The following PTDSS1 variants were observed in gnomAD, a reference collection of about 807,000 sequenced individuals.
PTDSS1 encodes PSS-1.
Under a neutral mutation model 70.5 loss-of-function variants are expected in PTDSS1, and 45 were observed. The observed-to-expected ratio is 0.64, with a 90% CI of 0.50 to 0.82. The LOEUF (loss-of-function observed/expected upper bound fraction) is 0.82, where lower values mean the gene tolerates loss of function less well. Ranked by LOEUF, PTDSS1 falls within the 40% of genes least tolerant of loss-of-function variation. The pLI, the probability that PTDSS1 is intolerant of heterozygous loss-of-function variation, is 0.00. For missense variants in PTDSS1, 417 were observed against 586.1 expected (o/e 0.71, Z 2.98); for synonymous variants, 188 against 203.8 (o/e 0.92, Z 0.66).
chr8:96,333,311 C>T (rs1811544570), intron 12 of PTDSS1, 146 bp from the exon 13 acceptor site: 4 of 720,768 alleles, frequency 5.5e-6, no homozygotes, highest in Non-Finnish European at 9.6e-6. Context: ...TTGAGAGCCT[C>T]GCCTTCATTT....
chr8:96,330,433 C>T (rs1156420413), intron 11 of PTDSS1, 152 bp downstream of exon 11: 1 of 700,586 alleles, frequency 1.4e-6, no homozygotes, highest in South Asian at 1.7e-5. Flanking sequence ...CATGTCACAA[C>T]TCATTCCCTA....
At position 96,331,053 on chromosome 8, in the gene PTDSS1, T is replaced by C. The variant is rs556701669; in HGVS notation, c.1270T>C (p.Tyr424His). The change falls in exon 12 of 13, where the codon TAC becomes CAC. Residue 424 changes from tyrosine (Y) to histidine (H), a missense_variant. This residue lies in a region of PTDSS1 where 107 missense variants were observed against 122.3 expected (regional missense o/e 0.88). Transcript: ENST00000517309. ...KTYSECEDGT[Y>H]SPEISWHHRK... Reference sequence around the variant, plus strand: ...CTACTCGGAGTGTGAAGATGGCACCTACAGTCCAGAGATCTCCTGGCATCA... The same window carrying C: ...CTACTCGGAGTGTGAAGATGGCACCCACAGTCCAGAGATCTCCTGGCATCA... 85 of 1,613,678 alleles carry C rather than the reference T, an allele frequency of 5.3e-5. 1 individual carries two copies. In the South Asian group the frequency reaches 9.1e-4, roughly 17 times the overall value.
chr8:96,284,208 G>A, intron 3 of PTDSS1, 55 bp downstream of exon 3: 1 of 1,485,008 alleles, frequency 6.7e-7, no homozygotes, highest in South Asian at 1.2e-5. Context: ...TCTTTTTTCT[G>A]CTTATCACTT....
At chr8:96,292,441 A>C (rs1563570446) in intron 4 of PTDSS1, among the ~76,000 whole-genome samples, 1 of 152,186 alleles carries the variant, frequency 6.6e-6, no homozygotes, top group African/African-American at 2.4e-5. Flanking sequence ...AAAATGGTAC[A>C]GTCTGTGTAG....
At chr8:96,329,608 G>A (rs1017759118) in intron 10 of PTDSS1, among the ~76,000 whole-genome samples, 7 of 152,124 alleles carry the variant, frequency 4.6e-5, no homozygotes, top group African/African-American at 1.7e-4. Context: ...ATTCCACTCA[G>A]GGCCTTAAGA....
chr8:96,286,268 C>G (rs189183957), intron 3 of PTDSS1, among the ~76,000 whole-genome samples: 1 of 152,216 alleles, frequency 6.6e-6, no homozygotes, highest in South Asian at 2.1e-4. Flanking sequence ...CCCTCGTGAT[C>G]GTTTCTGAAA....
intron 4 of PTDSS1, among the ~76,000 whole-genome samples, chr8:96,293,499 T>C (rs1810934985): frequency 1.3e-5 from 2 of 152,234 alleles, no homozygotes; most frequent in Non-Finnish European, 2.9e-5. Context: ...TTAAAGCCTG[T>C]TCCTCCTGGT....
intron 2 of PTDSS1, among the ~76,000 whole-genome samples, chr8:96,278,065 G>A (rs1167832719): frequency 6.6e-6 from 1 of 152,180 alleles, no homozygotes; most frequent in East Asian, 1.9e-4. Context: ...TGCCCTGCTG[G>A]CCTTGAGACA....
intron 1 of PTDSS1, among the ~76,000 whole-genome samples, chr8:96,266,600 C>T (rs1169966913): frequency 6.6e-6 from 1 of 152,154 alleles, no homozygotes; most frequent in African/African-American, 2.4e-5. Context: ...TATCCTGTTT[C>T]CTTTATATAC....
chr8:96,327,681 T>C, intron 10 of PTDSS1, among the ~76,000 whole-genome samples: 1 of 152,098 alleles, frequency 6.6e-6, no homozygotes, highest in East Asian at 1.9e-4. Flanking sequence ...TGCTGGTTAA[T>C]AAGCTTTTCC....
rs763702650 is a variant in PTDSS1 at position 96,262,116 on chromosome 8, G to A, written c.76G>A (p.Glu26Lys). ...CAAAATGCATTTCCGGATGATCAAC[G>A]AGCAGCAAGTGGAGGACATCACCAT... is the stretch of plus-strand genomic sequence containing the variant. ...NYKMHFRMIN[E>K]QQVEDITIDF... The change falls in exon 1 of 13, where the codon GAG becomes AAG. Residue 26 changes from glutamate to lysine, a missense_variant. Physicochemically the swap from Glu to Lys is moderately conservative, Grantham distance 56. This residue lies in a region of PTDSS1 where 38 missense variants were observed against 34.3 expected (regional missense o/e 1.11). Coordinates refer to ENST00000517309, the MANE Select transcript of PTDSS1 (RefSeq NM_014754.3). This position sits in a 1 kb window ranked among gnomAD's most constrained non-coding sequence, Gnocchi z 4.4. 2.5e-6 allele frequency: 4 copies of A among 1,613,926 alleles called. No individual in the cohort carries two copies. Among genetic ancestry groups the A allele is most frequent in the Non-Finnish European group, 3.4e-6 (4 of 1,179,836 alleles).
chr8:96,280,559 C>A (rs905489442), intron 2 of PTDSS1, among the ~76,000 whole-genome samples: 1 of 151,782 alleles, frequency 6.6e-6, no homozygotes, highest in African/African-American at 2.4e-5. Flanking sequence ...CAGGGTGAGA[C>A]TCGTCTCAAA....
At chr8:96,333,245 G>A (rs1053927281) in intron 12 of PTDSS1, among the ~76,000 whole-genome samples, 12 of 152,294 alleles carry the variant, frequency 7.9e-5, no homozygotes, top group South Asian at 6.2e-4. Context: ...ACTTTGGGGC[G>A]CTATTGCGTT....
At chr8:96,311,656 A>G (rs1349277215) in intron 9 of PTDSS1, among the ~76,000 whole-genome samples, 1 of 152,172 alleles carries the variant, frequency 6.6e-6, no homozygotes, top group Non-Finnish European at 1.5e-5. Flanking sequence ...TTAGAAGACT[A>G]AGGGCCATTG....
intron 1 of PTDSS1, among the ~76,000 whole-genome samples, chr8:96,267,952 A>G (rs1311740351): frequency 6.6e-6 from 1 of 152,206 alleles, no homozygotes; most frequent in African/African-American, 2.4e-5. Context: ...CCCTTCCAAG[A>G]TACCTTTCTC....
At chr8:96,312,546 T>C (rs979044464) in intron 9 of PTDSS1, among the ~76,000 whole-genome samples, 1 of 151,848 alleles carries the variant, frequency 6.6e-6, no homozygotes, top group Non-Finnish European at 1.5e-5. Context: ...TTGTGCCTTA[T>C]TTGAAAGTGA....
At chr8:96,269,958 A>G (rs1367289622) in intron 1 of PTDSS1, among the ~76,000 whole-genome samples, 1 of 152,174 alleles carries the variant, frequency 6.6e-6, no homozygotes, top group Non-Finnish European at 1.5e-5. Flanking sequence ...CACTGTTTTA[A>G]GTGCTTTACA....
chr8:96,325,963 C>T (rs1266982261), intron 10 of PTDSS1, among the ~76,000 whole-genome samples: 2 of 152,080 alleles, frequency 1.3e-5, no homozygotes, highest in East Asian at 3.9e-4. Flanking sequence ...AGTGAAGCTT[C>T]CTCCACACAA....
At position 96,286,888 on chromosome 8, in the gene PTDSS1, A is replaced by C. The variant is rs111632907; in HGVS notation, c.317-134A>C. The C allele has an allele frequency of 5.2e-3, 5,833 of 1,128,352 alleles. 26 individuals carry two copies. The highest frequency in any genetic ancestry group is 6.6e-3 in the Non-Finnish European group (5,085 of 776,120). The allele number at this position is 1,128,352 out of a possible 1,614,324, so 69.9% of individuals were successfully genotyped here. On this transcript the variant is annotated intron_variant, in intron 3 of 12. Coordinates refer to ENST00000517309, the MANE Select transcript of PTDSS1 (RefSeq NM_014754.3). ...GCCTCATCAAGGGAAATCCCAGATT[A>C]TAAGAGGAGTCTTGACAGGCTGTGC... is the stretch of plus-strand genomic sequence containing the variant.
Sources: allele counts gnomAD v4.1 joint callset (sites outside exome capture counted in the v4.1 genomes callset), GRCh38; gene constraint gnomAD v4.1.1; regional missense constraint gnomAD v4.1.1; non-coding constraint Gnocchi (gnomAD v3.1); transcripts MANE v1.5; gene names NCBI Gene and HGNC (gene_info 2026-07-23, HGNC 2026-07-21).